PKHD1: variants seen among roughly 807,000 people sequenced by gnomAD.
The protein encoded by PKHD1 is PKHD1 ciliary IPT domain containing fibrocystin/polyductin.
A neutral mutation model predicts 412.0 loss-of-function variants in PKHD1; 291 were observed. That is an observed-to-expected ratio of 0.71 (90% CI 0.64 to 0.78). The LOEUF is 0.78. Among genes scored for constraint, PKHD1 ranks in the 30% least tolerant of loss-of-function variants. The probability of loss-of-function intolerance (pLI) is 0.00; values close to 1 mark genes in which losing one functional copy is unlikely to be tolerated. For missense variants in PKHD1, 4,825 were observed against 4,950.7 expected, an observed-to-expected ratio of 0.97 and a Z score of 0.76; for synonymous variants, 1,777 against 1,821.5, an observed-to-expected ratio of 0.98 and a Z score of 0.62.
At chr6:51,790,159 G>A (rs1793516941) in intron 53 of PKHD1, among the ~76,000 whole-genome samples, 1 of 152,146 alleles carries the variant, frequency 6.6e-6, no homozygotes, top group Admixed American at 6.5e-5. Flanking sequence ...CTTACCACCA[G>A]AGATATATTT....
Position 52,053,134 on chromosome 6 carries a change from G to A in PKHD1, c.2082C>T (p.Ala694=). Residue 694 remains alanine (A), a synonymous_variant, in exon 21 of 67, where the codon GCC becomes GCT. Coordinates refer to ENST00000371117, the MANE Select transcript of PKHD1 (RefSeq NM_138694.4). ...LVHQINLLPL[A]QETGLFYVDE... is the part of the protein sequence containing the mutation. ...CCACATAGAACAGGCCCGTCTCCTG[G>A]GCCAGAGGGAGAAGGTTGATCTGAT... 1 of 1,614,164 alleles carries A rather than the reference G, an allele frequency of 6.2e-7. No individual in the cohort carries two copies. The highest frequency in any genetic ancestry group is 1.1e-5 in the South Asian group (1 of 91,080).
chr6:51,855,336 T>C (rs1483685295), intron 49 of PKHD1, among the ~76,000 whole-genome samples: 1 of 152,244 alleles, frequency 6.6e-6, no homozygotes, highest in East Asian at 1.9e-4. Context: ...GATGGTAGCC[T>C]CCGAACGTCT....
At chr6:51,893,406 G>A (rs888379626) in intron 43 of PKHD1, among the ~76,000 whole-genome samples, 6 of 152,106 alleles carry the variant, frequency 3.9e-5, no homozygotes, top group Non-Finnish European at 8.8e-5. Context: ...CTTTCCAAGC[G>A]CATTTATAGG....
chr6:52,077,671 A>G (rs1314292367), intron 5 of PKHD1, among the ~76,000 whole-genome samples: 1 of 152,190 alleles, frequency 6.6e-6, no homozygotes. Flanking sequence ...ATTGATCCAT[A>G]TGCTGTATAG....
chr6:51,870,369 T>C, intron 47 of PKHD1, 135 bp downstream of exon 47: 1 of 815,376 alleles, frequency 1.2e-6, no homozygotes, highest in Non-Finnish European at 2.1e-6. Context: ...TTTTAGGAGA[T>C]TTAAGCAACA....
At chr6:51,922,533 C>T (rs550496956) in intron 37 of PKHD1, among the ~76,000 whole-genome samples, 17 of 152,354 alleles carry the variant, frequency 1.1e-4, no homozygotes, top group African/African-American at 4.1e-4. Context: ...TTCAGCTATG[C>T]CCTGCCCCGA....
chr6:51,688,887 C>G (rs918254621), intron 60 of PKHD1, among the ~76,000 whole-genome samples: 1 of 152,088 alleles, frequency 6.6e-6, no homozygotes, highest in Admixed American at 6.5e-5. Flanking sequence ...AGCCCAGGAC[C>G]AGTCAAATTC....
intron 14 of PKHD1, among the ~76,000 whole-genome samples, chr6:52,060,883 AT>A (rs1023257471): frequency 5.9e-5 from 9 of 152,272 alleles, no homozygotes; most frequent in East Asian, 1.9e-4. Context: ...GAATATTTTA[AT>A]TTTTTAATTT....
At chr6:51,688,083 AGCAG>A (rs1777667581) in intron 60 of PKHD1, among the ~76,000 whole-genome samples, 3 of 152,250 alleles carry the variant, frequency 2.0e-5, no homozygotes, top group African/African-American at 7.2e-5. Context: ...TGTCATTGAC[AGCAG>A]TAGGCTGCTA....
intron 60 of PKHD1, among the ~76,000 whole-genome samples, chr6:51,729,248 G>A (rs957700529): frequency 2.0e-5 from 3 of 152,168 alleles, no homozygotes; most frequent in African/African-American, 7.2e-5. Context: ...CAGTCATACT[G>A]GAAGTCCTTA....
intron 11 of PKHD1, 39 bp downstream of exon 11, chr6:52,069,418 G>A (rs765567977): frequency 4.2e-6 from 6 of 1,437,416 alleles, no homozygotes; most frequent in Non-Finnish European, 5.9e-6. Context: ...CATTGAGTGA[G>A]GCACAAGGGA....
intron 60 of PKHD1, among the ~76,000 whole-genome samples, chr6:51,701,179 C>T (rs1360787038): frequency 6.6e-6 from 1 of 152,064 alleles, no homozygotes; most frequent in Non-Finnish European, 1.5e-5. Flanking sequence ...TTATCTAATG[C>T]AATTTCCTTT....
At chr6:51,851,075 T>C (rs765319238) in intron 49 of PKHD1, among the ~76,000 whole-genome samples, 2 of 152,190 alleles carry the variant, frequency 1.3e-5, no homozygotes, top group African/African-American at 2.4e-5. Context: ...GTTCCATCAA[T>C]ACCTAGCTTA....
intron 60 of PKHD1, among the ~76,000 whole-genome samples, chr6:51,689,740 C>A (rs772015217): frequency 6.6e-6 from 1 of 152,106 alleles, no homozygotes; most frequent in African/African-American, 2.4e-5. Context: ...GAACTCCCAT[C>A]CATAATTGCC....
At chr6:51,898,182 A>G (rs2127596581) in intron 43 of PKHD1, among the ~76,000 whole-genome samples, 1 of 152,170 alleles carries the variant, frequency 6.6e-6, no homozygotes, top group Admixed American at 6.5e-5. Context: ...CATCTACAGA[A>G]CTCTCCACCT....
chr6:51,904,193 T>C, intron 41 of PKHD1, 151 bp from the exon 42 acceptor site: 1 of 656,110 alleles, frequency 1.5e-6, no homozygotes, highest in Non-Finnish European at 2.8e-6. Flanking sequence ...AGATCTTATG[T>C]ACTCTTCAGT....
intron 52 of PKHD1, among the ~76,000 whole-genome samples, chr6:51,824,586 A>G (rs2151476040): frequency 6.6e-6 from 1 of 152,236 alleles, no homozygotes; most frequent in East Asian, 1.9e-4. Flanking sequence ...TTTTCTTTTT[A>G]TTTATTTTTA....
At chr6:52,045,198 A>G in intron 24 of PKHD1, 110 bp from the exon 25 acceptor site, 1 of 1,021,390 alleles carries the variant, frequency 9.8e-7, no homozygotes, top group Non-Finnish European at 1.5e-6. Context: ...TCAGACAGCT[A>G]GAAAGTGAAA....
At chr6:52,028,114 A>T in intron 30 of PKHD1, 42 bp downstream of exon 30, 1 of 1,565,588 alleles carries the variant, frequency 6.4e-7, no homozygotes, top group Non-Finnish European at 8.8e-7. Flanking sequence ...TGAATGCTAG[A>T]CCATCAAACA....
Sources: gnomAD v4.1 joint callset for allele counts (sites outside exome capture counted in the v4.1 genomes callset) on GRCh38, gnomAD v4.1.1 for gene constraint, MANE v1.5 for transcripts, NCBI Gene and HGNC (gene_info 2026-07-23, HGNC 2026-07-21) for gene names.